WDPCP: variants seen among roughly 807,000 people sequenced by gnomAD.
WDPCP encodes WD repeat-containing and planar cell polarity effector protein fritz homolog.
Under a neutral mutation model 93.1 loss-of-function variants are expected in WDPCP, and 71 were observed. That is an observed-to-expected ratio of 0.76 (90% CI 0.63 to 0.93). WDPCP has a LOEUF of 0.93. Ranked by LOEUF, WDPCP falls within the 40% of genes least tolerant of loss-of-function variation. The pLI is 0.00. For synonymous variants in WDPCP, 315 were observed against 315.0 expected, an observed-to-expected ratio of 1.00 and a Z score of 0.00; for missense variants, 844 against 887.4, an observed-to-expected ratio of 0.95 and a Z score of 0.62.
intron 2 of WDPCP, among the ~76,000 whole-genome samples, chr2:63,812,827 T>G (rs1480819549): frequency 6.6e-6 from 1 of 152,100 alleles, no homozygotes; most frequent in Non-Finnish European, 1.5e-5. Flanking sequence ...TATTCCATAA[T>G]CTATGTCCCC....
At chr2:63,722,010 C>T (rs1236118126) in intron 2 of WDPCP, among the ~76,000 whole-genome samples, 2 of 152,170 alleles carry the variant, frequency 1.3e-5, no homozygotes, top group South Asian at 2.1e-4. Flanking sequence ...GGATTGCAGA[C>T]GGAGTCTCGT....
intron 3 of WDPCP, among the ~76,000 whole-genome samples, chr2:63,626,022 G>C (rs1049426771): frequency 6.6e-6 from 1 of 152,094 alleles, no homozygotes. Flanking sequence ...TGAGGCCTTA[G>C]AAATAAGGCC....
chr2:63,658,923 G>A (rs781580020), intron 2 of WDPCP, among the ~76,000 whole-genome samples: 3 of 152,174 alleles, frequency 2.0e-5, no homozygotes, highest in South Asian at 2.1e-4. Context: ...GACTTTCGTC[G>A]TCTTGATTTA....
chr2:63,325,747 G>A (rs1172864269), intron 12 of WDPCP, among the ~76,000 whole-genome samples: 1 of 152,202 alleles, frequency 6.6e-6, no homozygotes, highest in African/African-American at 2.4e-5. Flanking sequence ...TTAGCTACAC[G>A]AATATGGGGA....
At chr2:63,683,546 A>G (rs1668756625) in intron 2 of WDPCP, among the ~76,000 whole-genome samples, 1 of 152,168 alleles carries the variant, frequency 6.6e-6, no homozygotes, top group South Asian at 2.1e-4. Context: ...AGATTTCAAG[A>G]CAAAAGCTAT....
chr2:63,662,384 T>C (rs990614865), intron 2 of WDPCP, among the ~76,000 whole-genome samples: 16 of 152,162 alleles, frequency 1.1e-4, no homozygotes, highest in Non-Finnish European at 2.2e-4. Flanking sequence ...TATATATGTA[T>C]ATGTATGTAT....
At chr2:63,265,689 CCAGA>C (rs1473651581) in intron 13 of WDPCP, among the ~76,000 whole-genome samples, 4 of 152,238 alleles carry the variant, frequency 2.6e-5, no homozygotes, top group African/African-American at 9.6e-5. Context: ...GATACCAAAG[CCAGA>C]CAAAGACATT....
intron 12 of WDPCP, among the ~76,000 whole-genome samples, chr2:63,326,479 C>G (rs1575148517): frequency 6.6e-6 from 1 of 151,746 alleles, no homozygotes; most frequent in African/African-American, 2.4e-5. Flanking sequence ...CTTACCTGAG[C>G]CTTAGAACTG....
chr2:63,502,347 T>C (rs1701611502), intron 1 of WDPCP, among the ~76,000 whole-genome samples: 1 of 152,198 alleles, frequency 6.6e-6, no homozygotes. Context: ...TTACAAATAA[T>C]ATAACCATGA....
At chr2:63,227,283 A>G (rs538570576) in intron 14 of WDPCP, among the ~76,000 whole-genome samples, 102 of 152,076 alleles carry the variant, frequency 6.7e-4, no homozygotes, top group Non-Finnish European at 1.2e-3. Context: ...AATTGCTTAG[A>G]TCAAGGTCTA....
chr2:63,257,918 G>A (rs1405637747), intron 14 of WDPCP, among the ~76,000 whole-genome samples: 1 of 152,096 alleles, frequency 6.6e-6, no homozygotes. Context: ...CAGAAAATTG[G>A]TTAGGACTTA....
chr2:63,259,935 G>A (rs1681486762), intron 13 of WDPCP, among the ~76,000 whole-genome samples: 1 of 152,146 alleles, frequency 6.6e-6, no homozygotes, highest in East Asian at 1.9e-4. Context: ...TCAGAAAGCT[G>A]TATGCCCAGT....
At chr2:63,269,236 G>A (rs1025554178) in intron 13 of WDPCP, among the ~76,000 whole-genome samples, 3 of 152,112 alleles carry the variant, frequency 2.0e-5, no homozygotes, top group Non-Finnish European at 2.9e-5. Context: ...TTTTCAGAAA[G>A]ATATTCAGAA....
At chr2:63,368,220 A>C (rs1021324783) in intron 12 of WDPCP, among the ~76,000 whole-genome samples, 2 of 152,134 alleles carry the variant, frequency 1.3e-5, no homozygotes, top group Non-Finnish European at 2.9e-5. Flanking sequence ...GATGCTTGAG[A>C]GCACTTAACT....
chr2:63,130,946 C>T (rs577126527), intron 17 of WDPCP, among the ~76,000 whole-genome samples: 1 of 151,608 alleles, frequency 6.6e-6, no homozygotes, highest in Non-Finnish European at 1.5e-5. Context: ...ATGTATTATC[C>T]TTCCTAGTCT....
intron 2 of WDPCP, among the ~76,000 whole-genome samples, chr2:63,723,769 T>C (rs1472401421): frequency 6.6e-6 from 1 of 152,182 alleles, no homozygotes; most frequent in Admixed American, 6.5e-5. Flanking sequence ...ACATGGATTA[T>C]AAATCCTTAT....
intron 14 of WDPCP, among the ~76,000 whole-genome samples, chr2:63,189,763 A>G (rs1674900137): frequency 1.3e-5 from 2 of 152,146 alleles, no homozygotes; most frequent in African/African-American, 4.8e-5. Flanking sequence ...TCTGTAATAC[A>G]TTCTGCTTGG....
Position 63,519,432 on chromosome 2 carries a change from T to A in WDPCP, c.76-26492A>T, listed in dbSNP as rs2106150369. 1.3e-5 allele frequency among the ~76,000 whole-genome samples: 2 copies of A among 152,326 alleles called. 1 individual carries two copies. The highest frequency in any genetic ancestry group is 4.1e-4 in the South Asian group (2 of 4,824). On this transcript the variant is annotated intron_variant, in intron 1 of 17. Coordinates refer to ENST00000272321, the MANE Select transcript of WDPCP (RefSeq NM_015910.7). ...GACTGTGAGAGTACATGCTGCCATG[T>A]GGCTGGCAAATGCAAACGGGCATGG...
At chr2:63,508,167 GT>G (rs1470790163) in intron 1 of WDPCP, among the ~76,000 whole-genome samples, 3 of 152,122 alleles carry the variant, frequency 2.0e-5, no homozygotes, top group Non-Finnish European at 4.4e-5. Flanking sequence ...GGGAAAAAAC[GT>G]TAAGGGAAGC....
Sources: gnomAD v4.1 joint callset for allele counts (sites outside exome capture counted in the v4.1 genomes callset) on GRCh38, gnomAD v4.1.1 for gene constraint, MANE v1.5 for transcripts, NCBI Gene and HGNC (gene_info 2026-07-23, HGNC 2026-07-21) for gene names.